The following PRR33 variants were observed in gnomAD, a reference collection of about 807,000 sequenced individuals.
PRR33 encodes the protein proline-rich protein 33.
Under a neutral mutation model 0.5 loss-of-function variants are expected in PRR33, and 1 was observed. That is an observed-to-expected ratio of 2.18 (90% confidence interval 0.77 to 10.34). The LOEUF is 10.34. Among genes scored for constraint, PRR33 ranks in the 30% most tolerant of loss-of-function variants. The pLI, the probability that PRR33 is intolerant of heterozygous loss-of-function variation, is 0.13. For missense variants in PRR33, 552 were observed against 251.8 expected (o/e 2.19, Z -8.07); for synonymous variants, 226 against 110.0 (o/e 2.06, Z -6.60).
the PRR33 span, among the ~76,000 whole-genome samples, chr11:1,912,991 C>T: frequency 6.6e-6 from 1 of 152,066 alleles, no homozygotes; most frequent in Non-Finnish European, 1.5e-5. Context: ...CTTATTATTT[C>T]CATTGCTTTC....
chr11:1,913,743 T>C, the PRR33 span, among the ~76,000 whole-genome samples: 3 of 152,340 alleles, frequency 2.0e-5, no homozygotes, highest in South Asian at 2.1e-4. Context: ...TGTCCTCTGG[T>C]TTGGAGGCTC....
chr11:1,909,559 C>A, the PRR33 span, among the ~76,000 whole-genome samples: 3 of 152,124 alleles, frequency 2.0e-5, no homozygotes, highest in Admixed American at 1.3e-4. Flanking sequence ...TGCAGTGAGC[C>A]AAGATCATCA....
At chr11:1,901,631 C>T in the PRR33 span, among the ~76,000 whole-genome samples, 1 of 152,048 alleles carries the variant, frequency 6.6e-6, no homozygotes, top group East Asian at 1.9e-4. Flanking sequence ...TTAGGTGAAA[C>T]AAGGCAGAAA....
exon 1 of PRR33, chr11:1,889,750 A>G: frequency 1.5e-6 from 1 of 654,402 alleles, no homozygotes; most frequent in Non-Finnish European, 2.8e-6. Flanking sequence ...TGCGGTGAGG[A>G]CTCCAGCGAG....
the PRR33 span, among the ~76,000 whole-genome samples, chr11:1,917,606 G>C: frequency 1.3e-5 from 2 of 152,214 alleles, no homozygotes; most frequent in African/African-American, 2.4e-5. Context: ...GGACCATCCC[G>C]GTCCGGCCAG....
chr11:1,898,381 G>A, the PRR33 span, among the ~76,000 whole-genome samples: 2 of 151,984 alleles, frequency 1.3e-5, no homozygotes, highest in East Asian at 1.9e-4. Flanking sequence ...GATTACAGGC[G>A]CCCGCCATCA....
exon 1 of PRR33, chr11:1,889,417 G>A (rs1848892909): frequency 3.0e-6 from 2 of 677,552 alleles, no homozygotes; most frequent in East Asian, 2.7e-5. Flanking sequence ...GGGGCCCGGG[G>A]TGCGGTGAGG....
At chr11:1,897,317 C>T in the PRR33 span, among the ~76,000 whole-genome samples, 3 of 152,228 alleles carry the variant, frequency 2.0e-5, no homozygotes, top group Non-Finnish European at 2.9e-5. This position sits in a 1 kb window ranked among gnomAD's most constrained non-coding sequence, Gnocchi z 4.0. Context: ...TGTAAATGTA[C>T]TTGTTTGGTC....
At chr11:1,914,479 T>TTGTGTG in the PRR33 span, among the ~76,000 whole-genome samples, 4 of 145,894 alleles carry the variant, frequency 2.7e-5, no homozygotes, top group East Asian at 2.1e-4. Flanking sequence ...ATGTTTTTCT[T>TTGTGTG]TGTGTGTGTG....
At chr11:1,890,954 C>T (rs1006505307) in exon 1 of PRR33, 17 of 205,470 alleles carry the variant, frequency 8.3e-5, no homozygotes, top group East Asian at 5.4e-4. Flanking sequence ...GAGACGGAGA[C>T]GCGGGTGAGC....
chr11:1,913,315 GTT>G, the PRR33 span, among the ~76,000 whole-genome samples: 1 of 143,938 alleles, frequency 6.9e-6, no homozygotes, highest in South Asian at 2.2e-4. Context: ...TTTTTTTTTT[GTT>G]TTTTTTTTAG....
the PRR33 span, chr11:1,902,592 T>G: frequency 3.9e-5 from 6 of 152,126 alleles, no homozygotes; most frequent in African/African-American, 1.4e-4. Flanking sequence ...TTTGACAGGG[T>G]GTTGCTCTGT....
At chr11:1,916,790 G>A in the PRR33 span, among the ~76,000 whole-genome samples, 1 of 152,196 alleles carries the variant, frequency 6.6e-6, no homozygotes, top group South Asian at 2.1e-4. Context: ...CTGTGTTTCT[G>A]ATGCAGCCTC....
chr11:1,897,120 C>T, the PRR33 span, among the ~76,000 whole-genome samples: 2 of 152,114 alleles, frequency 1.3e-5, no homozygotes, highest in Admixed American at 1.3e-4. The surrounding 1 kb of genome is among the most constrained non-coding windows in gnomAD (Gnocchi z 4.0). Flanking sequence ...TTGGAATGGC[C>T]GGCACCCTTG....
At chr11:1,917,423 T>A in the PRR33 span, among the ~76,000 whole-genome samples, 1 of 152,152 alleles carries the variant, frequency 6.6e-6, no homozygotes, top group Non-Finnish European at 1.5e-5. Context: ...CATTTGCCAA[T>A]TTCAGAACCC....
chr11:1,912,520 G>A, the PRR33 span, among the ~76,000 whole-genome samples: 8 of 152,106 alleles, frequency 5.3e-5, no homozygotes, highest in Non-Finnish European at 1.2e-4. Flanking sequence ...CGTCGACATT[G>A]CTTATTTGTG....
the PRR33 span, among the ~76,000 whole-genome samples, chr11:1,916,765 C>G: frequency 1.3e-5 from 2 of 152,208 alleles, no homozygotes; most frequent in Non-Finnish European, 2.9e-5. Context: ...TGAGCTCTAC[C>G]CAGCCACAGC....
the PRR33 span, among the ~76,000 whole-genome samples, chr11:1,914,738 T>TG: frequency 2.0e-3 from 286 of 145,842 alleles, 1 homozygote; most frequent in African/African-American, 7.0e-3. Flanking sequence ...GTGTGTGTTG[T>TG]GGGGTCACAC....
the PRR33 span, among the ~76,000 whole-genome samples, chr11:1,909,348 C>G: frequency 9.9e-5 from 15 of 152,114 alleles, no homozygotes; most frequent in Non-Finnish European, 2.2e-4. Context: ...CGCGGTGGCT[C>G]ATGCCTGTAA....
Sources: gnomAD v4.1 joint callset for allele counts (sites outside exome capture counted in the v4.1 genomes callset) on GRCh38, gnomAD v4.1.1 for gene constraint, Gnocchi (gnomAD v3.1) non-coding constraint, MANE v1.5 for transcripts, NCBI Gene and HGNC (gene_info 2026-07-23, HGNC 2026-07-21) for gene names.